PPP2R5E: variants seen among roughly 807,000 people sequenced by gnomAD.
PPP2R5E encodes the protein protein phosphatase 2 regulatory subunit B'epsilon.
In PPP2R5E, 4 loss-of-function variants were observed where a neutral mutation model predicts 65.3. The observed-to-expected ratio is 0.06, with a 90% CI of 0.03 to 0.14. The LOEUF is 0.14. PPP2R5E is among the 10% of genes least tolerant of loss of function. The probability of loss-of-function intolerance (pLI) is 1.00; values close to 1 mark genes in which losing one functional copy is unlikely to be tolerated. For synonymous variants in PPP2R5E, 183 were observed against 187.4 expected, an observed-to-expected ratio of 0.98 and a Z score of 0.19; for missense variants, 274 against 556.1, an observed-to-expected ratio of 0.49 and a Z score of 5.10.
chr14:63,452,397 G>T (rs7152839), intron 3 of PPP2R5E: 43,438 of 152,012 alleles, frequency 0.29, 7,454 homozygotes, highest in African/African-American at 0.47. Context: ...GGGGCCACCC[G>T]GTACATTGTA....
chr14:63,371,385 T>G lies in PPP2R5E; in HGVS notation c.*4624A>C. On this transcript the variant is annotated 3_prime_UTR_variant, in exon 14 of 14. Coordinates refer to ENST00000337537, the MANE Select transcript of PPP2R5E (RefSeq NM_006246.5). The stretch of plus-strand genomic sequence containing the variant: ...TGAAAACTCTTCACTGCTTCTTTAT[T>G]ATGATGCACCCACAGTACAGAACCT... 6.6e-6 allele frequency: 1 copy of G among 152,248 alleles called. No individual in the cohort carries two copies. The highest frequency in any genetic ancestry group is 6.5e-5 in the Admixed American group (1 of 15,272). The allele number at this position is 152,248 out of a possible 1,614,324, so 9.4% of individuals were successfully genotyped here.
chr14:63,415,101 C>G, intron 5 of PPP2R5E, 39 bp downstream of exon 5: 1 of 1,428,278 alleles, frequency 7.0e-7, no homozygotes, highest in Non-Finnish European at 9.8e-7. Flanking sequence ...AAAGTGTTAA[C>G]TGGATGACAA....
At chr14:63,387,123 G>GA (rs1429523951) in intron 11 of PPP2R5E, among the ~76,000 whole-genome samples, 1 of 151,900 alleles carries the variant, frequency 6.6e-6, no homozygotes, top group East Asian at 1.9e-4. Context: ...AGGAGAGGGA[G>GA]AAAAAAAGGA....
rs865783734 is a variant in PPP2R5E, at chr14:63,521,185, C to G, written c.157+18344G>C. Reference sequence around the variant, plus strand: ...TCTAGAACATCTCACTAAACCAGTACAGTTAAAATAAATCCCAGTTACTTG... The same window carrying G: ...TCTAGAACATCTCACTAAACCAGTAGAGTTAAAATAAATCCCAGTTACTTG... On this transcript the variant is annotated intron_variant, in intron 2 of 13. Transcript: ENST00000337537. Among the ~76,000 whole-genome samples, 45 of 152,282 alleles carry G rather than the reference C, an allele frequency of 3.0e-4. 1 individual carries two copies. The highest frequency in any genetic ancestry group is 1.1e-3 in the African/African-American group (44 of 41,566).
chr14:63,526,357 CT>C (rs1893183639), intron 2 of PPP2R5E, among the ~76,000 whole-genome samples: 1 of 152,094 alleles, frequency 6.6e-6, no homozygotes, highest in African/African-American at 2.4e-5. Flanking sequence ...CAATATCATC[CT>C]TTTTAAACAT....
chr14:63,432,488 T>C (rs1423833101), intron 3 of PPP2R5E, among the ~76,000 whole-genome samples: 1 of 152,198 alleles, frequency 6.6e-6, no homozygotes, highest in Non-Finnish European at 1.5e-5. Flanking sequence ...AGAATTTGAA[T>C]ACAGATCAAA....
intron 2 of PPP2R5E, among the ~76,000 whole-genome samples, chr14:63,522,870 G>GC (rs1419887055): frequency 4.0e-5 from 6 of 148,342 alleles, no homozygotes; most frequent in Admixed American, 2.0e-4. Context: ...GGGGGGGTCA[G>GC]CCCCCCGCCC....
In PPP2R5E at chr14:63,374,254, A is replaced by C. The variant is rs1211094841; in HGVS notation, c.*1755T>G. The C allele has an allele frequency of 3.3e-5, 5 of 152,164 alleles. No individual in the cohort carries two copies. In the South Asian group the frequency reaches 1.0e-3, roughly 32 times the overall value. 9.4% of individuals were successfully genotyped at this position (152,164 alleles called of 1,614,324 possible). A position where few individuals can be genotyped will look rare whatever the true frequency, so the allele number is the denominator to read the frequency against. ...CAGCAGCTTCTCTTTCTTTTTCTTG[A>C]AAATAATAAAACTGCGTATTCTACT... On this transcript the variant is annotated 3_prime_UTR_variant, in exon 14 of 14. Transcript: ENST00000337537.
chr14:63,459,023 C>T (rs547543497), intron 2 of PPP2R5E, among the ~76,000 whole-genome samples: 41 of 152,234 alleles, frequency 2.7e-4, no homozygotes, highest in Non-Finnish European at 5.3e-4. Context: ...AATCCTCATC[C>T]ATGTATACTC....
At chr14:63,491,105 C>A (rs984106065) in intron 2 of PPP2R5E, among the ~76,000 whole-genome samples, 1 of 152,036 alleles carries the variant, frequency 6.6e-6, no homozygotes, top group Admixed American at 6.6e-5. Flanking sequence ...AGGTCATTAT[C>A]CTAACTGAAT....
intron 2 of PPP2R5E, among the ~76,000 whole-genome samples, chr14:63,489,591 GTA>G (rs2139628277): frequency 6.6e-6 from 1 of 151,858 alleles, no homozygotes; most frequent in South Asian, 2.1e-4. Context: ...TGTATTTTTT[GTA>G]GAGATGGGGT....
At chr14:63,425,200 T>C (rs1421757288) in intron 3 of PPP2R5E, among the ~76,000 whole-genome samples, 1 of 152,268 alleles carries the variant, frequency 6.6e-6, no homozygotes, top group Non-Finnish European at 1.5e-5. Flanking sequence ...ATGCTTTTGC[T>C]ATCGCTAATG....
In PPP2R5E at chr14:63,508,469, T is replaced by C. The variant is rs144306606; in HGVS notation, c.157+31060A>G. The stretch of plus-strand genomic sequence containing the variant: ...TGCCTTCTATATATATTAGCTAACA[T>C]TTCCTGAGCATCTACAATAAGCCTT... On this transcript the variant is annotated intron_variant, in intron 2 of 13. Transcript: ENST00000337537. Among the ~76,000 whole-genome samples the C allele has an allele frequency of 1.4e-3, 207 of 152,326 alleles. 1 individual carries two copies. Among genetic ancestry groups the C allele is most frequent in the African/African-American group, 4.7e-3 (195 of 41,568 alleles).
chr14:63,499,884 G>A (rs530136812), intron 2 of PPP2R5E, among the ~76,000 whole-genome samples: 2 of 152,358 alleles, frequency 1.3e-5, no homozygotes, highest in African/African-American at 4.8e-5. Flanking sequence ...CTGGTAGCAA[G>A]TCCTGATCCC....
At chr14:63,493,019 G>A (rs550173466) in intron 2 of PPP2R5E, among the ~76,000 whole-genome samples, 21 of 152,214 alleles carry the variant, frequency 1.4e-4, no homozygotes, top group Admixed American at 2.6e-4. Context: ...AAAGTCAAGA[G>A]CAGCCAGCCG....
intron 2 of PPP2R5E, among the ~76,000 whole-genome samples, chr14:63,456,176 T>A (rs965198907): frequency 6.6e-6 from 1 of 152,256 alleles, no homozygotes; most frequent in Admixed American, 6.5e-5. Flanking sequence ...AATCAGACTA[T>A]CTACATGTTG....
chr14:63,433,036 T>TG (rs796393225), intron 3 of PPP2R5E, among the ~76,000 whole-genome samples: 259 of 130,130 alleles, frequency 2.0e-3, no homozygotes, highest in African/African-American at 3.0e-3. Context: ...TGTTTTGTTT[T>TG]TTTTTTTTTT....
chr14:63,495,689 G>T lies in PPP2R5E; in HGVS notation c.158-41804C>A, dbSNP rs537968045. Among the ~76,000 whole-genome samples, 18 of 151,682 alleles carry T rather than the reference G, an allele frequency of 1.2e-4. No individual in the cohort carries two copies. The East Asian group carries it at 1.7e-3, about 15-fold the overall frequency. On this transcript the variant is annotated intron_variant, in intron 2 of 13. Transcript: ENST00000337537. Reference sequence around the variant, plus strand: ...TTTTTTTTTGGCAAGCATTTTTGGGGTTTTTTTGTTCATTTTTTCAAGAGA... The same window carrying T: ...TTTTTTTTTGGCAAGCATTTTTGGGTTTTTTTTGTTCATTTTTTCAAGAGA...
intron 6 of PPP2R5E, 52 bp downstream of exon 6, chr14:63,396,534 C>T (rs1885407760): frequency 1.3e-6 from 2 of 1,593,794 alleles, no homozygotes; most frequent in African/African-American, 2.7e-5. Context: ...ACTTAATACT[C>T]ATAAAAACAC....
Sources: gnomAD v4.1 joint callset for allele counts (sites outside exome capture counted in the v4.1 genomes callset) on GRCh38, gnomAD v4.1.1 for gene constraint, MANE v1.5 for transcripts, NCBI Gene and HGNC (gene_info 2026-07-23, HGNC 2026-07-21) for gene names.